The following GPM6A variants were observed in gnomAD, a reference collection of about 807,000 sequenced individuals.
GPM6A encodes glycoprotein M6A.
In GPM6A, 7 loss-of-function variants were observed where a neutral mutation model predicts 32.1. The ratio of observed to expected loss-of-function variants is 0.22; its 90% CI spans 0.12 to 0.41. The LOEUF (loss-of-function observed/expected upper bound fraction) is 0.41. Among genes scored for constraint, GPM6A ranks in the 10% least tolerant of loss-of-function variants. GPM6A has a pLI of 1.00. For synonymous variants in GPM6A, 130 were observed against 123.4 expected (o/e 1.05, Z -0.35); for missense variants, 235 against 347.2 (o/e 0.68, Z 2.57).
intron 1 of GPM6A, among the ~76,000 whole-genome samples, chr4:175,911,478 G>A (rs1007544977): frequency 2.6e-5 from 4 of 152,118 alleles, no homozygotes; most frequent in Admixed American, 1.3e-4. Context: ...TTAGCACTCT[G>A]TGTAAAAGGT....
At chr4:175,848,232 C>T (rs1015280719) in intron 1 of GPM6A, among the ~76,000 whole-genome samples, 1 of 152,156 alleles carries the variant, frequency 6.6e-6, no homozygotes, top group Non-Finnish European at 1.5e-5. Context: ...TTTTAAATGA[C>T]AGCATATTTT....
At chr4:175,864,482 A>T (rs1736670049) in intron 1 of GPM6A, among the ~76,000 whole-genome samples, 1 of 151,966 alleles carries the variant, frequency 6.6e-6, no homozygotes, top group African/African-American at 2.4e-5. Flanking sequence ...CTTTTTGCTA[A>T]TTTTTGAGTA....
chr4:175,782,993 A>G (rs1289568985), intron 1 of GPM6A, among the ~76,000 whole-genome samples: 2 of 152,000 alleles, frequency 1.3e-5, no homozygotes, highest in Admixed American at 6.6e-5. Flanking sequence ...ATTAGCAATG[A>G]TGGAGCAAAA....
chr4:175,851,229 C>T (rs778046726), intron 1 of GPM6A, among the ~76,000 whole-genome samples: 7 of 151,766 alleles, frequency 4.6e-5, no homozygotes, highest in East Asian at 1.9e-4. Flanking sequence ...TGGTGGCGGG[C>T]ACCTGTAATC....
At chr4:175,776,503 G>C (rs1287714061) in intron 1 of GPM6A, among the ~76,000 whole-genome samples, 1 of 152,116 alleles carries the variant, frequency 6.6e-6, no homozygotes, top group South Asian at 2.1e-4. Flanking sequence ...AGGTGTGCAA[G>C]GGATCTCTGA....
chr4:175,651,887 C>A lies in GPM6A; in HGVS notation c.488G>T (p.Arg163Leu). ...YMYFNLWTICRNTTLVEGANL... is the reference protein window; with the variant it reads ...YMYFNLWTICLNTTLVEGANL... ...TGCTCCCTCCACTAATGTGGTGTTCCGGCAGATGGTCCACAGATTGAAGTA... is the reference window on the plus strand; with the variant it reads ...TGCTCCCTCCACTAATGTGGTGTTCAGGCAGATGGTCCACAGATTGAAGTA... The change falls in exon 4 of 7, where the codon CGG (arginine) becomes CTG (leucine). Residue 163 changes from arginine to leucine, a missense_variant. By Grantham distance (102) the Arg-to-Leu change is moderately radical (BLOSUM62 -2). This residue lies in a region of GPM6A where 107 missense variants were observed against 116.7 expected (regional missense o/e 0.92). Transcript: ENST00000393658. 6.2e-7 allele frequency: 1 copy of A among 1,613,316 alleles called. No individual in the cohort carries two copies.
At chr4:175,815,718 C>CTTGG (rs1735076407), upstream of GPM6A, among the ~76,000 whole-genome samples, 1 of 127,118 alleles carries the variant, frequency 7.9e-6, no homozygotes, top group African/African-American at 3.0e-5. Flanking sequence ...TTTTTCTTTT[C>CTTGG]TTTTTTTTTT....
intron 2 of GPM6A, among the ~76,000 whole-genome samples, chr4:175,695,262 G>T (rs1363931821): frequency 2.6e-5 from 4 of 152,182 alleles, no homozygotes; most frequent in Admixed American, 6.5e-5. Flanking sequence ...AGCTAGTAGA[G>T]CTGTGAAAGA....
At chr4:175,710,892 G>T (rs1269036768) in intron 1 of GPM6A, among the ~76,000 whole-genome samples, 1 of 152,076 alleles carries the variant, frequency 6.6e-6, no homozygotes, top group Non-Finnish European at 1.5e-5. Flanking sequence ...TTGACCTCCA[G>T]TCTCAGGCTG....
chr4:175,735,563 C>CT (rs754424931), intron 1 of GPM6A, among the ~76,000 whole-genome samples: 1,796 of 143,554 alleles, frequency 0.013, 17 homozygotes, highest in African/African-American at 0.022. Context: ...ATTTATGAAT[C>CT]TTTTTTTTTT....
chr4:175,787,567 T>C, intron 1 of GPM6A: 3 of 1,383,538 alleles, frequency 2.2e-6, no homozygotes, highest in Non-Finnish European at 2.8e-6. Context: ...TACTTGTTGA[T>C]GATTTACAAG....
At chr4:175,991,075 CTTT>C (rs36032066) in intron 1 of GPM6A, among the ~76,000 whole-genome samples, 4 of 140,116 alleles carry the variant, frequency 2.9e-5, no homozygotes, top group African/African-American at 2.6e-5. Flanking sequence ...ATCTTTCTTT[CTTT>C]TTTTTTTTTT....
chr4:175,640,107 C>A (rs1741050097), intron 6 of GPM6A, 22 bp downstream of exon 6: 2 of 1,585,476 alleles, frequency 1.3e-6, no homozygotes, highest in East Asian at 4.5e-5. Context: ...GAAAACCAAG[C>A]ACCAGCGCTT....
At chr4:175,860,022 G>A (rs1465335461) in intron 1 of GPM6A, among the ~76,000 whole-genome samples, 4 of 151,954 alleles carry the variant, frequency 2.6e-5, no homozygotes, top group Admixed American at 2.0e-4. Context: ...ACAACTTATT[G>A]AAATTTATGG....
chr4:175,902,041 A>G (rs1471769334), intron 1 of GPM6A, among the ~76,000 whole-genome samples: 2 of 152,214 alleles, frequency 1.3e-5, no homozygotes, highest in Non-Finnish European at 2.9e-5. Flanking sequence ...AAAGATGTGG[A>G]CAAGAATGTG....
At chr4:175,768,508 A>C (rs925513329) in intron 1 of GPM6A, among the ~76,000 whole-genome samples, 1 of 152,152 alleles carries the variant, frequency 6.6e-6, no homozygotes, top group Non-Finnish European at 1.5e-5. Flanking sequence ...GCAAACAGAA[A>C]AGAGAATAAA....
intron 1 of GPM6A, among the ~76,000 whole-genome samples, chr4:175,726,018 G>A (rs1459122042): frequency 2.4e-5 from 3 of 123,344 alleles, no homozygotes; most frequent in African/African-American, 6.1e-5. Flanking sequence ...TTTTTAAGAC[G>A]GAGTCTCACT....
intron 1 of GPM6A, among the ~76,000 whole-genome samples, chr4:175,881,232 C>T (rs1337133168): frequency 6.6e-6 from 1 of 152,092 alleles, no homozygotes. Context: ...AGCCAACAGA[C>T]ACATGAAAAA....
At chr4:175,942,064 T>C (rs1457168693) in intron 1 of GPM6A, among the ~76,000 whole-genome samples, 6 of 152,242 alleles carry the variant, frequency 3.9e-5, no homozygotes, top group African/African-American at 1.4e-4. Context: ...ATTTTAATGA[T>C]CACCATTCTA....
Sources: allele counts gnomAD v4.1 joint callset (sites outside exome capture counted in the v4.1 genomes callset), GRCh38; gene constraint gnomAD v4.1.1; regional missense constraint gnomAD v4.1.1; transcripts MANE v1.5; gene names NCBI Gene and HGNC (gene_info 2026-07-23, HGNC 2026-07-21).